The following TMEM129 variants were observed in gnomAD, a reference collection of about 807,000 sequenced individuals.
The protein encoded by TMEM129 is transmembrane protein 129, E3 ubiquitin ligase.
A neutral mutation model predicts 34.1 loss-of-function variants in TMEM129; 35 were observed. The observed-to-expected ratio is 1.03, with a 90% confidence interval of 0.78 to 1.36. The LOEUF (loss-of-function observed/expected upper bound fraction) is 1.36, where lower values mean the gene tolerates loss of function less well. TMEM129 is among the 40% of genes most tolerant of loss of function. The pLI is 0.00. For missense variants in TMEM129, 504 were observed against 512.6 expected (o/e 0.98, Z 0.16); for synonymous variants, 239 against 217.3 (o/e 1.10, Z -0.88).
chr4:1,720,594 G>C lies in TMEM129; in HGVS notation c.205+39C>G. 1 of 1,522,302 alleles carries C rather than the reference G, an allele frequency of 6.6e-7. No homozygotes were observed. The highest frequency in any genetic ancestry group is 8.8e-7 in the Non-Finnish European group (1 of 1,138,916). The allele number at this position is 1,522,302 out of a possible 1,614,324, so 94.3% of individuals were successfully genotyped here. A position where few individuals can be genotyped will look rare whatever the true frequency, so the allele number is the denominator to read the frequency against. ...CTCCTGACCTCCCAGCAAGCCCTGC[G>C]CAGGAGAGGATGCGGCCGGCCGGCC... On this transcript the variant is annotated intron_variant, in intron 1 of 3. Coordinates refer to ENST00000382936, the MANE Select transcript of TMEM129 (RefSeq NM_001127266.2). This position sits in a 1 kb window ranked among gnomAD's most constrained non-coding sequence, Gnocchi z 4.4.
chr4:1,717,476 GCACCCACC>G, intron 3 of TMEM129, 32 bp downstream of exon 3: 1 of 1,500,410 alleles, frequency 6.7e-7, no homozygotes, highest in Non-Finnish European at 9.0e-7. Flanking sequence ...ACACCCGTGG[GCACCCACC>G]CATCCACCCG....
Position 1,720,633 on chromosome 4 carries a change from C to G in TMEM129, c.205G>C (p.Gly69Arg), listed in dbSNP as rs1717264056. ...GGCCGGCCGGCCCGAGCAGCCTCACCGAGCGGCAGCAGCGAGTGGCACAAC... is the reference window on the plus strand; with the variant it reads ...GGCCGGCCGGCCCGAGCAGCCTCACGGAGCGGCAGCAGCGAGTGGCACAAC... Reference protein sequence around the residue: ...TLLCHSLLPLGYYVGMCLAAS... With the variant: ...TLLCHSLLPLRYYVGMCLAAS... Residue 69 changes from glycine (G) to arginine (R), a missense_variant and splice_region_variant, in exon 1 of 4, where the codon GGC becomes CGC. Coordinates refer to ENST00000382936, the MANE Select transcript of TMEM129 (RefSeq NM_001127266.2). This position sits in a 1 kb window ranked among gnomAD's most constrained non-coding sequence, Gnocchi z 4.4. 2 of 1,538,854 alleles carry G rather than the reference C, an allele frequency of 1.3e-6. No homozygotes were observed. Among genetic ancestry groups the G allele is most frequent in the Non-Finnish European group, 1.7e-6 (2 of 1,144,568 alleles).
Position 1,720,766 on chromosome 4 carries a change from G to T in TMEM129, c.72C>A (p.Asn24Lys). 1.3e-6 allele frequency: 2 copies of T among 1,591,212 alleles called. No homozygotes were observed. The highest frequency in any genetic ancestry group is 2.3e-5 in the East Asian group (1 of 43,060). ...VFAVCFVFTP[N>K]EFHAAGLTVQ... ...CCGTGAGCCCCGCCGCGTGGAACTC[G>T]TTGGGCGTGAACACGAAGCACACGG... Residue 24 changes from asparagine to lysine, a missense_variant, in exon 1 of 4, where the codon AAC (asparagine) becomes AAA (lysine). Transcript: ENST00000382936. This position sits in a 1 kb window ranked among gnomAD's most constrained non-coding sequence, Gnocchi z 4.4.
rs1365843952 is a variant in TMEM129 at position 1,720,704 on chromosome 4, T to A, written c.134A>T (p.Asp45Val). 4.5e-6 allele frequency: 7 copies of A among 1,555,820 alleles called. No individual in the cohort carries two copies. The East Asian group carries it at 1.7e-4, about 38-fold the overall frequency. The part of the protein sequence containing the change: ...NLLSGWLGSE[D>V]AAFVPFHLRR... Reference sequence around the variant, plus strand: ...CAAGTGGAAGGGCACGAAGGCGGCGTCCTCGCTGCCCAGCCAGCCCGACAG... The same window carrying A: ...CAAGTGGAAGGGCACGAAGGCGGCGACCTCGCTGCCCAGCCAGCCCGACAG... The change falls in exon 1 of 4, where the codon GAC becomes GTC. Residue 45 changes from aspartate to valine, a missense_variant. Transcript: ENST00000382936. The surrounding 1 kb of genome is among the most constrained non-coding windows in gnomAD (Gnocchi z 4.4).
intron 2 of TMEM129, chr4:1,717,899 C>A: frequency 1.4e-6 from 1 of 698,444 alleles, no homozygotes; most frequent in Non-Finnish European, 2.3e-6. Flanking sequence ...GTCCTGAGTG[C>A]TCCCCAAGAA....
intron 1 of TMEM129, 88 bp from the exon 2 acceptor site, chr4:1,718,714 G>A (rs1217032034): frequency 8.4e-6 from 12 of 1,423,048 alleles, no homozygotes; most frequent in East Asian, 5.1e-5. Flanking sequence ...CCTCTGCCCG[G>A]GTTCCAGGGT....
At chr4:1,718,795 C>T (rs1717122152) in intron 1 of TMEM129, 169 bp from the exon 2 acceptor site, 11 of 1,402,610 alleles carry the variant, frequency 7.8e-6, no homozygotes, top group Non-Finnish European at 1.0e-5. Context: ...CTGCCTGTGG[C>T]AAAGGCAGGA....
At chr4:1,717,770 A>G in intron 2 of TMEM129, 95 bp from the exon 3 acceptor site, 1 of 1,424,384 alleles carries the variant, frequency 7.0e-7, no homozygotes, top group East Asian at 2.5e-5. Flanking sequence ...CTGTCGCACC[A>G]GGACCAACCA....
At position 1,717,636 on chromosome 4, in the gene TMEM129, G is replaced by A. The variant is rs1258899525; in HGVS notation, c.720C>T (p.Leu240=). 5.2e-6 allele frequency: 8 copies of A among 1,545,512 alleles called. No individual in the cohort carries two copies. The highest frequency in any genetic ancestry group is 7.0e-6 in the Non-Finnish European group (8 of 1,144,164). ...GGGCTGCCCTGCGGATGGGTGCCCGGAGCTTCTCGCAGAGCTCCCCGTACT... is the reference window on the plus strand; with the variant it reads ...GGGCTGCCCTGCGGATGGGTGCCCGAAGCTTCTCGCAGAGCTCCCCGTACT... ...STEYGELCEK[L]RAPIRRAAHV... Residue 240 remains leucine (L), a synonymous_variant, in exon 3 of 4, where the codon CTC becomes CTT. Transcript: ENST00000382936.
rs984909790 is a variant in TMEM129, at chr4:1,716,044, A to C, written c.*1136T>G. On this transcript the variant is annotated 3_prime_UTR_variant, in exon 4 of 4. Transcript: ENST00000382936. ...AAGTAACTTATTTTGTAGTAAAAACAACCCCAACCCACTGCCCCTCTTTGG... is the reference window on the plus strand; with the variant it reads ...AAGTAACTTATTTTGTAGTAAAAACCACCCCAACCCACTGCCCCTCTTTGG... 1 of 151,474 alleles carries C rather than the reference A, an allele frequency of 6.6e-6. No homozygotes were observed. The highest frequency in any genetic ancestry group is 6.6e-5 in the Admixed American group (1 of 15,264). The allele number at this position is 151,474 out of a possible 1,614,324, so 9.4% of individuals were successfully genotyped here.
chr4:1,719,919 G>A (rs926611010), intron 1 of TMEM129, among the ~76,000 whole-genome samples: 1 of 152,154 alleles, frequency 6.6e-6, no homozygotes, highest in Non-Finnish European at 1.5e-5. Context: ...TGTATCCCCA[G>A]AGTGGCAAAC....
rs747338831 is a variant in TMEM129 at position 1,717,387 on chromosome 4, G to A, written c.882C>T (p.Ser294=). The A allele has an allele frequency of 9.8e-6, 15 of 1,527,996 alleles. No homozygotes were observed. The highest frequency in any genetic ancestry group is 6.0e-5 in the South Asian group (5 of 83,368). The allele number at this position is 1,527,996 out of a possible 1,614,324, so 94.7% of individuals were successfully genotyped here. Residue 294 remains serine, a synonymous_variant, in exon 4 of 4, where the codon AGC becomes AGT. Transcript: ENST00000382936. ...ACIGCMQTRA[S]VKLVKTCQEA... is the part of the protein sequence containing the mutation. ...CCTGGCAGGTCTTCACCAGCTTCACGCTGGCACGTGTCTGCATGCAGCCTA... is the reference window on the plus strand; with the variant it reads ...CCTGGCAGGTCTTCACCAGCTTCACACTGGCACGTGTCTGCATGCAGCCTA...
rs1042807532 is a variant in TMEM129 at position 1,717,471 on chromosome 4, C to T, written c.841-43G>A. 18 of 1,500,088 alleles carry T rather than the reference C, an allele frequency of 1.2e-5. No homozygotes were observed. In the African/African-American group the frequency reaches 1.9e-4, roughly 16 times the overall value. The allele number at this position is 1,500,088 out of a possible 1,614,324, so 92.9% of individuals were successfully genotyped here. ...GTCACCAGGAGCCCAGGCAGACACC[C>T]GTGGGCACCCACCCATCCACCCGGC... On this transcript the variant is annotated intron_variant, in intron 3 of 3. Transcript: ENST00000382936.
chr4:1,718,115 T>G, intron 2 of TMEM129, 37 bp downstream of exon 2: 1 of 1,492,424 alleles, frequency 6.7e-7, no homozygotes, highest in Non-Finnish European at 9.0e-7. Context: ...TGGCCTGCCA[T>G]GTGCCCTCCG....
intron 1 of TMEM129, chr4:1,718,840 T>C: frequency 7.2e-7 from 1 of 1,395,332 alleles, no homozygotes; most frequent in Non-Finnish European, 9.3e-7. Flanking sequence ...TTTGCTGCTT[T>C]AGTTTCACAC....
chr4:1,720,492 C>T lies in TMEM129; in HGVS notation c.205+141G>A, dbSNP rs913569128. 2 of 1,117,760 alleles carry T rather than the reference C, an allele frequency of 1.8e-6. No homozygotes were observed. Among genetic ancestry groups the T allele is most frequent in the Admixed American group, 3.0e-5 (1 of 33,242 alleles). 69.2% of individuals were successfully genotyped at this position (1,117,760 alleles called of 1,614,324 possible). On this transcript the variant is annotated intron_variant, in intron 1 of 3. Transcript: ENST00000382936. This position sits in a 1 kb window ranked among gnomAD's most constrained non-coding sequence, Gnocchi z 4.4. ...AGCGCGCTCAGCCCACGCCGCGGTC[C>T]CTCTGGATGAGGACCGGCGCCTCTC... is the stretch of plus-strand genomic sequence containing the variant.
chr4:1,718,114 A>G (rs776275220), intron 2 of TMEM129, 38 bp downstream of exon 2: 39 of 1,494,402 alleles, frequency 2.6e-5, no homozygotes, highest in Non-Finnish European at 3.3e-5. Flanking sequence ...CTGGCCTGCC[A>G]TGTGCCCTCC....
In TMEM129 at chr4:1,721,296, C is replaced by G. The variant is rs1000616773; in HGVS notation, c.-459G>C. The G allele has an allele frequency of 4.0e-5, 6 of 148,690 alleles. No homozygotes were observed. Among genetic ancestry groups the G allele is most frequent in the African/African-American group, 1.5e-4 (6 of 40,276 alleles). 9.2% of individuals were successfully genotyped at this position (148,690 alleles called of 1,614,324 possible). A position where few individuals can be genotyped will look rare whatever the true frequency, so the allele number is the denominator to read the frequency against. On this transcript the variant is annotated 5_prime_UTR_variant, in exon 1 of 4. Transcript: ENST00000382936. ...GCGGAACTCGAAATTCATGGGGCGA[C>G]TGCGAGCCCGGGGTCTCAGCTTCAG... is the stretch of plus-strand genomic sequence containing the variant.
chr4:1,718,041 G>A, intron 2 of TMEM129, 111 bp downstream of exon 2: 4 of 1,009,644 alleles, frequency 4.0e-6, no homozygotes, highest in Non-Finnish European at 5.7e-6. Context: ...AAGCCCAGGA[G>A]TGTTGGAGTC....
Sources: allele counts gnomAD v4.1 joint callset (sites outside exome capture counted in the v4.1 genomes callset), GRCh38; gene constraint gnomAD v4.1.1; non-coding constraint Gnocchi (gnomAD v3.1); transcripts MANE v1.5; gene names NCBI Gene and HGNC (gene_info 2026-07-23, HGNC 2026-07-21).